Variants in LMNTD1 observed in about 807,000 individuals in gnomAD.
LMNTD1 encodes the protein lamin tail domain containing 1, also known as lamin tail domain-containing protein 1.
Under a neutral mutation model 50.9 loss-of-function variants are expected in LMNTD1, and 35 were observed. The ratio of observed to expected loss-of-function variants is 0.69; its 90% CI spans 0.53 to 0.91. The LOEUF (loss-of-function observed/expected upper bound fraction) is 0.91, where lower values mean the gene tolerates loss of function less well. LMNTD1 is among the 40% of genes least tolerant of loss of function. The pLI, the probability that LMNTD1 is intolerant of heterozygous loss-of-function variation, is 0.00. For missense variants in LMNTD1, 470 were observed against 475.5 expected (o/e 0.99, Z 0.11); for synonymous variants, 153 against 161.9 (o/e 0.94, Z 0.42).
At chr12:25,527,936 A>C (rs1441962678) in intron 4 of LMNTD1, among the ~76,000 whole-genome samples, 1 of 151,774 alleles carries the variant, frequency 6.6e-6, no homozygotes, top group Non-Finnish European at 1.5e-5. Context: ...TTCATGGTTT[A>C]TGTGAATATT....
chr12:25,493,862 C>T (rs1365216512), intron 9 of LMNTD1, among the ~76,000 whole-genome samples: 2 of 152,136 alleles, frequency 1.3e-5, no homozygotes, highest in African/African-American at 4.8e-5. Flanking sequence ...TGCATCCATA[C>T]CCTAAGAAAT....
intron 9 of LMNTD1, among the ~76,000 whole-genome samples, chr12:25,489,348 C>T (rs982321676): frequency 1.3e-4 from 19 of 151,300 alleles, no homozygotes; most frequent in Non-Finnish European, 2.4e-4. Flanking sequence ...TTTTTTAAGC[C>T]GGTCTGAAAA....
chr12:25,497,304 TA>T (rs1939116997), intron 9 of LMNTD1, among the ~76,000 whole-genome samples: 1 of 152,024 alleles, frequency 6.6e-6, no homozygotes, highest in African/African-American at 2.4e-5. Context: ...TGGAACCTGG[TA>T]TTTCAACGGC....
chr12:25,605,226 T>C (rs1057402855), intron 1 of LMNTD1, among the ~76,000 whole-genome samples: 51 of 152,154 alleles, frequency 3.4e-4, no homozygotes, highest in Non-Finnish European at 2.6e-4. Flanking sequence ...TTGAGTTCAT[T>C]GTAGATTCTG....
At chr12:25,646,028 T>C (rs1947063008) in intron 1 of LMNTD1, among the ~76,000 whole-genome samples, 1 of 152,158 alleles carries the variant, frequency 6.6e-6, no homozygotes, top group Non-Finnish European at 1.5e-5. Flanking sequence ...GGGTTGGTTA[T>C]TGCATTGTAT....
In LMNTD1 at chr12:25,482,715, C is replaced by A. The variant is rs888710599; in HGVS notation, c.*23-6255G>T. Among the ~76,000 whole-genome samples the A allele has an allele frequency of 3.3e-5, 5 of 152,010 alleles. 1 individual carries two copies. Among genetic ancestry groups the A allele is most frequent in the Admixed American group, 3.3e-4 (5 of 15,276 alleles). ...TGTGTCCAGAGCAAGCACAGAATGT[C>A]TGCAGGACCCTTCTCTAATCCTCCT... On this transcript the variant is annotated intron_variant, in intron 9 of 9. Coordinates refer to ENST00000458174, the MANE Select transcript of LMNTD1 (RefSeq NM_001145728.2).
At chr12:25,647,662 A>G (rs1462192231) in intron 1 of LMNTD1, among the ~76,000 whole-genome samples, 2 of 152,216 alleles carry the variant, frequency 1.3e-5, no homozygotes, top group Non-Finnish European at 2.9e-5. Context: ...AACATTTACC[A>G]GTTGAATAAA....
intron 4 of LMNTD1, among the ~76,000 whole-genome samples, chr12:25,534,237 C>A (rs1200259541): frequency 6.6e-6 from 1 of 151,998 alleles, no homozygotes; most frequent in Non-Finnish European, 1.5e-5. Flanking sequence ...TTGAAAACAA[C>A]CAAATTGAGA....
At chr12:25,619,244 CTCTCTCTCTA>C (rs1489439730) in intron 1 of LMNTD1, among the ~76,000 whole-genome samples, 31 of 73,648 alleles carry the variant, frequency 4.2e-4, no homozygotes, top group East Asian at 1.5e-3. Flanking sequence ...CTCTCTCTCT[CTCTCTCTCTA>C]TATATATATA....
At chr12:25,579,898 T>C (rs1489613298) in intron 1 of LMNTD1, among the ~76,000 whole-genome samples, 4 of 152,124 alleles carry the variant, frequency 2.6e-5, no homozygotes, top group Admixed American at 2.6e-4. Flanking sequence ...TGCCAGTGCA[T>C]TCTCTATTGT....
intron 1 of LMNTD1, among the ~76,000 whole-genome samples, chr12:25,578,775 C>A (rs535409839): frequency 6.6e-6 from 1 of 152,164 alleles, no homozygotes; most frequent in Non-Finnish European, 1.5e-5. Context: ...CCTGTCTCAG[C>A]GATCTTTGCA....
At chr12:25,587,433 C>T (rs1420482902) in intron 1 of LMNTD1, among the ~76,000 whole-genome samples, 1 of 152,204 alleles carries the variant, frequency 6.6e-6, no homozygotes, top group African/African-American at 2.4e-5. Context: ...GGAGCAGGCA[C>T]GTCATATGGC....
rs1158889052 is a variant in LMNTD1 at position 25,527,717 on chromosome 12, CACAT to C, written c.492-766_492-763del. On this transcript the variant is annotated intron_variant, in intron 4 of 9. Transcript: ENST00000458174. ...ACACACACACACACACACACACACACACATATACACACATATATATACATATATA... is the reference window on the plus strand; with the variant it reads ...ACACACACACACACACACACACACACATACACACATATATATACATATATA... Among the ~76,000 whole-genome samples the C allele has an allele frequency of 3.3e-4, 42 of 126,474 alleles. 1 individual carries two copies. The highest frequency in any genetic ancestry group is 4.1e-3 in the Middle Eastern group (1 of 246). 83.0% of individuals were successfully genotyped at this position (126,474 alleles called of 152,430 possible).
chr12:25,519,914 T>C lies in LMNTD1; in HGVS notation c.960A>G (p.Gln320=), dbSNP rs1420710587. The C allele has an allele frequency of 1.2e-6, 2 of 1,612,670 alleles. No homozygotes were observed. Among genetic ancestry groups the C allele is most frequent in the Non-Finnish European group, 8.5e-7 (1 of 1,179,508 alleles). The change falls in exon 7 of 10, where the codon CAA becomes CAG. Residue 320 remains glutamine (Q), a synonymous_variant. Transcript: ENST00000458174. ...TATITKEKQD[Q]PKKDISNYQV... Reference sequence around the variant, plus strand: ...GATAATTTGAGATATCTTTCTTAGGTTGATCTTGTTTTTCTTTAGTTATTG... The same window carrying C: ...GATAATTTGAGATATCTTTCTTAGGCTGATCTTGTTTTTCTTTAGTTATTG...
At chr12:25,572,965 G>A (rs551947017) in intron 1 of LMNTD1, among the ~76,000 whole-genome samples, 18 of 152,186 alleles carry the variant, frequency 1.2e-4, no homozygotes, top group African/African-American at 4.3e-4. Context: ...CCTCCTAGTA[G>A]ATCCATCTAA....
At chr12:25,583,812 T>C (rs752929232) in intron 1 of LMNTD1, among the ~76,000 whole-genome samples, 2 of 152,118 alleles carry the variant, frequency 1.3e-5, no homozygotes, top group Admixed American at 6.5e-5. Flanking sequence ...CAGGGTCTTA[T>C]CAGTACAGGG....
At chr12:25,514,199 T>C (rs1940557244) in intron 8 of LMNTD1, among the ~76,000 whole-genome samples, 1 of 151,994 alleles carries the variant, frequency 6.6e-6, no homozygotes, top group Non-Finnish European at 1.5e-5. Flanking sequence ...AATAGAACAG[T>C]CTAGGGAGCA....
intron 1 of LMNTD1, among the ~76,000 whole-genome samples, chr12:25,631,653 C>A (rs190480482): frequency 5.9e-5 from 9 of 152,300 alleles, no homozygotes; most frequent in Non-Finnish European, 1.2e-4. Context: ...GAACAACAGC[C>A]TTCAGCCCTA....
chr12:25,553,807 A>G (rs911482207), upstream of LMNTD1, among the ~76,000 whole-genome samples: 7 of 152,212 alleles, frequency 4.6e-5, no homozygotes, highest in African/African-American at 1.7e-4. Flanking sequence ...TAAAATTAAT[A>G]ACTATGAAAG....
Sources: allele counts gnomAD v4.1 joint callset (sites outside exome capture counted in the v4.1 genomes callset), GRCh38; gene constraint gnomAD v4.1.1; transcripts MANE v1.5; gene names NCBI Gene and HGNC (gene_info 2026-07-23, HGNC 2026-07-21).